NALCN: variants seen among roughly 807,000 people sequenced by gnomAD.
NALCN encodes sodium leak channel, non-selective, also known as sodium leak channel NALCN.
NALCN carries 111 observed loss-of-function variants against 225.3 expected under a neutral mutation model. The observed-to-expected ratio is 0.49, with a 90% CI of 0.42 to 0.58. The LOEUF is 0.58. Among genes scored for constraint, NALCN ranks in the 20% least tolerant of loss-of-function variants. The pLI, the probability that NALCN is intolerant of heterozygous loss-of-function variation, is 0.00. For missense variants in NALCN, 1,378 were observed against 2,202.4 expected, an observed-to-expected ratio of 0.63 and a Z score of 7.49; for synonymous variants, 764 against 769.0, an observed-to-expected ratio of 0.99 and a Z score of 0.11.
intron 16 of NALCN, among the ~76,000 whole-genome samples, chr13:101,143,621 C>T (rs1159736987): frequency 1.3e-5 from 2 of 152,032 alleles, no homozygotes; most frequent in African/African-American, 2.4e-5. Flanking sequence ...TGCGCCACCA[C>T]GCCCAGCTAA....
Position 101,203,588 on chromosome 13 carries a change from T to C in NALCN, c.1627-11534A>G, listed in dbSNP as rs760537690. On this transcript the variant is annotated intron_variant, in intron 13 of 43. Coordinates refer to ENST00000251127, the MANE Select transcript of NALCN (RefSeq NM_052867.4). ...TGGTGTGATTCCATTTTTATAAAGT[T>C]CAAAAATTATAAAGGATAAACTATT... Among the ~76,000 whole-genome samples, 231 of 152,218 alleles carry C rather than the reference T, an allele frequency of 1.5e-3. 2 individuals are homozygous for C. Among genetic ancestry groups the C allele is most frequent in the Non-Finnish European group, 5.7e-4 (39 of 68,038 alleles).
At chr13:101,337,304 A>ATTTG (rs1232294236) in intron 7 of NALCN, among the ~76,000 whole-genome samples, 1 of 149,462 alleles carries the variant, frequency 6.7e-6, no homozygotes, top group Non-Finnish European at 1.5e-5. Context: ...TTATTTATTT[A>ATTTG]TTTATTTATT....
At chr13:101,335,981 A>G (rs1359714529) in intron 7 of NALCN, among the ~76,000 whole-genome samples, 1 of 152,156 alleles carries the variant, frequency 6.6e-6, no homozygotes, top group African/African-American at 2.4e-5. Flanking sequence ...TATAATTTGA[A>G]TAAAAGTAAT....
intron 9 of NALCN, among the ~76,000 whole-genome samples, chr13:101,284,238 A>G (rs965065643): frequency 6.6e-6 from 1 of 152,242 alleles, no homozygotes; most frequent in Non-Finnish European, 1.5e-5. Flanking sequence ...ACTACTTGCT[A>G]TGTCAGGCAC....
intron 13 of NALCN, among the ~76,000 whole-genome samples, chr13:101,215,401 A>G (rs1049166655): frequency 6.6e-6 from 1 of 152,180 alleles, no homozygotes; most frequent in Admixed American, 6.5e-5. Context: ...AATTACCACA[A>G]ACGAAGCAGC....
chr13:101,235,528 C>T (rs2041522153), intron 12 of NALCN, among the ~76,000 whole-genome samples: 1 of 152,108 alleles, frequency 6.6e-6, no homozygotes, highest in Non-Finnish European at 1.5e-5. Flanking sequence ...CTTTGTGAAT[C>T]TAGAGAGCAG....
chr13:101,155,680 C>A (rs960175548), intron 15 of NALCN, among the ~76,000 whole-genome samples: 1 of 152,116 alleles, frequency 6.6e-6, no homozygotes, highest in African/African-American at 2.4e-5. Context: ...GTCACTGACT[C>A]CAACTGACAC....
intron 34 of NALCN, 70 bp downstream of exon 34, chr13:101,081,457 G>A: frequency 1.9e-6 from 3 of 1,600,476 alleles, no homozygotes; most frequent in African/African-American, 1.3e-5. Context: ...AATGAGACTG[G>A]AAACAGGACT....
intron 15 of NALCN, among the ~76,000 whole-genome samples, chr13:101,145,817 T>C (rs918987310): frequency 1.3e-5 from 2 of 152,194 alleles, no homozygotes; most frequent in Non-Finnish European, 1.5e-5. Context: ...CTTTTAACAC[T>C]GATGCCTTTC....
intron 6 of NALCN, among the ~76,000 whole-genome samples, chr13:101,349,514 C>A (rs942939310): frequency 6.6e-6 from 1 of 152,172 alleles, no homozygotes; most frequent in Admixed American, 6.6e-5. Flanking sequence ...CAACCTAACT[C>A]CATGAATCAC....
At chr13:101,302,928 A>C in intron 7 of NALCN, among the ~76,000 whole-genome samples, 1 of 152,152 alleles carries the variant, frequency 6.6e-6, no homozygotes, top group East Asian at 1.9e-4. Context: ...TCCAGTTTAA[A>C]GGTTAAACTA....
intron 9 of NALCN, among the ~76,000 whole-genome samples, chr13:101,291,680 TG>T (rs1186154752): frequency 6.6e-6 from 1 of 152,210 alleles, no homozygotes; most frequent in Non-Finnish European, 1.5e-5. Context: ...ACTGAGTAGC[TG>T]GGACTACAAG....
At chr13:101,121,634 C>T (rs2035977752) in intron 18 of NALCN, among the ~76,000 whole-genome samples, 1 of 152,148 alleles carries the variant, frequency 6.6e-6, no homozygotes, top group African/African-American at 2.4e-5. Flanking sequence ...ACTAAAACGG[C>T]AGTCTCTTCC....
Position 101,054,618 on chromosome 13 carries a change from C to A in NALCN, c.*677G>T, listed in dbSNP as rs1400445156. 1 of 152,188 alleles carries A rather than the reference C, an allele frequency of 6.6e-6. No homozygotes were observed. The highest frequency in any genetic ancestry group is 1.5e-5 in the Non-Finnish European group (1 of 68,038). 9.4% of individuals were successfully genotyped at this position (152,188 alleles called of 1,614,324 possible). A position where few individuals can be genotyped will look rare whatever the true frequency, so the allele number is the denominator to read the frequency against. On this transcript the variant is annotated 3_prime_UTR_variant, in exon 44 of 44. Transcript: ENST00000251127. ...ACCGCTAAGCATCCTGAGTCCATTT[C>A]TTTGCCTGGTGCTTGCACACACAAT...
chr13:101,103,049 T>C (rs2034907920), intron 26 of NALCN, 123 bp downstream of exon 26: 10 of 1,185,322 alleles, frequency 8.4e-6, no homozygotes, highest in East Asian at 2.4e-5. Flanking sequence ...AGTGCCTCCA[T>C]TACCCTCTGG....
At chr13:101,368,476 G>A (rs1394964642) in intron 6 of NALCN, 2 of 151,990 alleles carry the variant, frequency 1.3e-5, no homozygotes, top group African/African-American at 4.8e-5. Flanking sequence ...GTGTGCATGT[G>A]TCTTTATAGC....
intron 25 of NALCN, among the ~76,000 whole-genome samples, chr13:101,103,561 CGTGTGTGT>C (rs35723947): frequency 4.6e-5 from 7 of 151,004 alleles, no homozygotes; most frequent in Admixed American, 4.6e-4. Flanking sequence ...GTGTCCACAC[CGTGTGTGT>C]GTGTGTGTGT....
intron 14 of NALCN, among the ~76,000 whole-genome samples, chr13:101,181,840 A>G (rs927207329): frequency 6.6e-6 from 1 of 152,186 alleles, no homozygotes; most frequent in African/African-American, 2.4e-5. Context: ...TATTAGATAT[A>G]TAATGTTTTC....
chr13:101,055,454 G>T lies in NALCN; in HGVS notation c.5058C>A (p.Val1686=). The change falls in exon 44 of 44, where the codon GTC becomes GTA. Residue 1686 remains valine (V), a synonymous_variant. Coordinates refer to ENST00000251127, the MANE Select transcript of NALCN (RefSeq NM_052867.4). ...TTGTCCTTCCTCCAAACCGTAAGTTGACTGAGGACACTGAATGGCTTATTG... is the reference window on the plus strand; with the variant it reads ...TTGTCCTTCCTCCAAACCGTAAGTTTACTGAGGACACTGAATGGCTTATTG... The part of the protein sequence containing the change: ...PKPISHSVSS[V]NLRFGGRTTM... 1 of 1,614,110 alleles carries T rather than the reference G, an allele frequency of 6.2e-7. No homozygotes were observed. Among genetic ancestry groups the T allele is most frequent in the Non-Finnish European group, 8.5e-7 (1 of 1,180,002 alleles).
Sources: allele counts gnomAD v4.1 joint callset (sites outside exome capture counted in the v4.1 genomes callset), GRCh38; gene constraint gnomAD v4.1.1; transcripts MANE v1.5; gene names NCBI Gene and HGNC (gene_info 2026-07-23, HGNC 2026-07-21).